ALK: variants seen among roughly 807,000 people sequenced by gnomAD.
The protein encoded by ALK is ALK receptor tyrosine kinase, also known as ALK tyrosine kinase receptor.
A neutral mutation model predicts 163.1 loss-of-function variants in ALK; 74 were observed. The observed-to-expected ratio is 0.45, with a 90% CI of 0.38 to 0.55. The LOEUF (loss-of-function observed/expected upper bound fraction) is 0.55. Ranked by LOEUF, ALK falls within the 20% of genes least tolerant of loss-of-function variation. The pLI is 0.00. For missense variants in ALK, 2,063 were observed against 2,105.3 expected, an observed-to-expected ratio of 0.98 and a Z score of 0.39; for synonymous variants, 960 against 843.2, an observed-to-expected ratio of 1.14 and a Z score of -2.40.
At chr2:29,385,382 G>GTTT (rs59445973) in intron 4 of ALK, among the ~76,000 whole-genome samples, 5 of 138,330 alleles carry the variant, frequency 3.6e-5, no homozygotes, top group Admixed American at 7.3e-5. Context: ...CTGTCAGGTT[G>GTTT]TTTTTTTTTT....
chr2:29,345,853 CA>C (rs1667934379), intron 5 of ALK, among the ~76,000 whole-genome samples: 1 of 152,128 alleles, frequency 6.6e-6, no homozygotes, highest in African/African-American at 2.4e-5. Flanking sequence ...GCCAACCAAA[CA>C]AGCCCAATGC....
At chr2:29,473,801 A>T (rs1671430245) in intron 4 of ALK, among the ~76,000 whole-genome samples, 2 of 152,190 alleles carry the variant, frequency 1.3e-5, no homozygotes, top group South Asian at 4.1e-4. Context: ...AGTTGCAGTG[A>T]TCCAAAATTG....
chr2:29,321,893 C>T (rs1430791236), intron 6 of ALK, among the ~76,000 whole-genome samples: 1 of 152,190 alleles, frequency 6.6e-6, no homozygotes, highest in East Asian at 1.9e-4. Flanking sequence ...GATCTCAGGT[C>T]CTATTGAAGA....
At chr2:29,900,258 G>T (rs1275911037) in intron 1 of ALK, among the ~76,000 whole-genome samples, 1 of 152,208 alleles carries the variant, frequency 6.6e-6, no homozygotes, top group Non-Finnish European at 1.5e-5. Context: ...GAATCTGCAT[G>T]GGGTACCACC....
chr2:29,298,172 G>A (rs544102685), intron 8 of ALK, among the ~76,000 whole-genome samples: 4 of 152,274 alleles, frequency 2.6e-5, no homozygotes, highest in Non-Finnish European at 5.9e-5. Flanking sequence ...AGGGCATTGG[G>A]GCCCCCAGGG....
At chr2:29,199,903 A>C (rs879193570) in intron 26 of ALK, among the ~76,000 whole-genome samples, 1 of 152,216 alleles carries the variant, frequency 6.6e-6, no homozygotes, top group Admixed American at 6.5e-5. Context: ...TAGTTCCTTC[A>C]TCTTCTAAGA....
intron 8 of ALK, among the ~76,000 whole-genome samples, chr2:29,298,880 C>T (rs1666281339): frequency 6.6e-6 from 1 of 152,140 alleles, no homozygotes; most frequent in Admixed American, 6.5e-5. Flanking sequence ...AGTTACTGCC[C>T]TCCTTTCCCT....
intron 9 of ALK, among the ~76,000 whole-genome samples, chr2:29,279,923 A>G (rs548607931): frequency 1.3e-5 from 2 of 152,164 alleles, no homozygotes; most frequent in East Asian, 1.9e-4. Flanking sequence ...GGACTGAGGG[A>G]AAGTTCTGGT....
rs137864924 is a variant in ALK at position 29,433,737 on chromosome 2, G to A, written c.1155-49878C>T. On this transcript the variant is annotated intron_variant, in intron 4 of 28. Coordinates refer to ENST00000389048, the MANE Select transcript of ALK (RefSeq NM_004304.5). The stretch of plus-strand genomic sequence containing the variant: ...CAACTTAAAAAAAAAAAAATGAAAT[G>A]ATGAGGTACAGCTAATAAGTCAATT... 5.9e-3 allele frequency among the ~76,000 whole-genome samples: 897 copies of A among 152,062 alleles called. 5 individuals carry two copies. Among genetic ancestry groups the A allele is most frequent in the Non-Finnish European group, 9.7e-3 (659 of 67,962 alleles).
intron 1 of ALK, among the ~76,000 whole-genome samples, chr2:29,846,422 T>G (rs1665844884): frequency 1.3e-5 from 2 of 152,262 alleles, no homozygotes; most frequent in African/African-American, 4.8e-5. Context: ...ACACTTATTG[T>G]CTGTCTTCCT....
chr2:29,692,278 C>A (rs1678421378), intron 3 of ALK, among the ~76,000 whole-genome samples: 1 of 152,110 alleles, frequency 6.6e-6, no homozygotes, highest in African/African-American at 2.4e-5. Context: ...AGAGGGAGTA[C>A]AAATTGGTGT....
intron 4 of ALK, among the ~76,000 whole-genome samples, chr2:29,390,473 A>AAC (rs1669139102): frequency 6.6e-6 from 1 of 152,138 alleles, no homozygotes; most frequent in African/African-American, 2.4e-5. Flanking sequence ...TTTGCTAAGA[A>AAC]TCTCTCTTGA....
chr2:29,585,858 AATT>A (rs887776341), intron 3 of ALK, among the ~76,000 whole-genome samples: 2 of 152,004 alleles, frequency 1.3e-5, no homozygotes, highest in African/African-American at 4.8e-5. Context: ...TCAAGTTTTT[AATT>A]ATTATCCTAA....
At chr2:29,817,130 C>A (rs1322827288) in intron 1 of ALK, among the ~76,000 whole-genome samples, 1 of 152,010 alleles carries the variant, frequency 6.6e-6, no homozygotes, top group Non-Finnish European at 1.5e-5. Context: ...TTCAACACTG[C>A]CACTTATTGC....
intron 4 of ALK, among the ~76,000 whole-genome samples, chr2:29,508,565 A>T (rs1412128487): frequency 6.6e-6 from 1 of 151,936 alleles, no homozygotes; most frequent in Non-Finnish European, 1.5e-5. Context: ...GGGAGCGGGA[A>T]GGGATAGCAT....
intron 26 of ALK, among the ~76,000 whole-genome samples, chr2:29,200,733 ATATATACGTATATATATACG>A (rs1309048395): frequency 6.3e-5 from 9 of 143,784 alleles, no homozygotes; most frequent in Middle Eastern, 3.7e-3. Flanking sequence ...ATATATGTAT[ATATATACGTATATATATACG>A]TATATATGTA....
At chr2:29,300,641 T>C (rs1666343583) in intron 8 of ALK, among the ~76,000 whole-genome samples, 1 of 150,986 alleles carries the variant, frequency 6.6e-6, no homozygotes, top group Non-Finnish European at 1.5e-5. Flanking sequence ...GAAAGGTGGA[T>C]CTACAAAGGA....
chr2:29,607,367 C>G (rs1366526170), intron 3 of ALK, among the ~76,000 whole-genome samples: 6 of 152,116 alleles, frequency 3.9e-5, no homozygotes, highest in Non-Finnish European at 2.9e-5. Flanking sequence ...GCATCTTTTA[C>G]TTTAAGAAAA....
intron 1 of ALK, among the ~76,000 whole-genome samples, chr2:29,805,502 C>T (rs577981727): frequency 6.6e-6 from 1 of 152,298 alleles, no homozygotes; most frequent in East Asian, 1.9e-4. Context: ...CTTCCTCCTG[C>T]TCCCAGACAG....
Sources: allele counts gnomAD v4.1 joint callset (sites outside exome capture counted in the v4.1 genomes callset), GRCh38; gene constraint gnomAD v4.1.1; transcripts MANE v1.5; gene names NCBI Gene and HGNC (gene_info 2026-07-23, HGNC 2026-07-21).